SFXN5: variants seen among roughly 807,000 people sequenced by gnomAD.
SFXN5 encodes the protein sideroflexin-5.
In SFXN5, 43 loss-of-function variants were observed where a neutral mutation model predicts 50.2. The observed-to-expected ratio is 0.86, with a 90% CI of 0.67 to 1.11. The LOEUF (loss-of-function observed/expected upper bound fraction) is 1.11, where lower values mean the gene tolerates loss of function less well. Among genes scored for constraint, SFXN5 ranks in the 50% least tolerant of loss-of-function variants. The pLI, the probability that SFXN5 is intolerant of heterozygous loss-of-function variation, is 0.00. For synonymous variants in SFXN5, 203 were observed against 185.8 expected, an observed-to-expected ratio of 1.09 and a Z score of -0.75; for missense variants, 463 against 454.1, an observed-to-expected ratio of 1.02 and a Z score of -0.18.
intron 10 of SFXN5, among the ~76,000 whole-genome samples, chr2:72,976,287 C>G (rs1370134039): frequency 6.6e-6 from 1 of 150,432 alleles, no homozygotes; most frequent in Admixed American, 6.6e-5. Context: ...GTTTCATTTA[C>G]CCAAAAAGTA....
intron 9 of SFXN5, chr2:72,997,904 T>TA: frequency 6.6e-6 from 1 of 152,230 alleles, no homozygotes; most frequent in Non-Finnish European, 1.5e-5. Context: ...TTTGTTTTTT[T>TA]AAATGGGGTC....
At chr2:73,059,196 G>A in intron 1 of SFXN5, 1 of 986,268 alleles carries the variant, frequency 1.0e-6, no homozygotes, top group Non-Finnish European at 1.2e-6. Context: ...TGGAAAAGGA[G>A]GGCTTTATGC....
intron 2 of SFXN5, among the ~76,000 whole-genome samples, chr2:73,050,392 GCACACA>G (rs35090808): frequency 2.9e-4 from 43 of 146,570 alleles, no homozygotes; most frequent in African/African-American, 1.0e-3. Flanking sequence ...CACAGCGCAC[GCACACA>G]CACACACACA....
At chr2:73,019,380 C>T (rs1439629571) in intron 6 of SFXN5, 1 of 150,982 alleles carries the variant, frequency 6.6e-6, no homozygotes, top group Non-Finnish European at 1.5e-5. Flanking sequence ...TATACTGATT[C>T]CTTACCTAAG....
chr2:72,959,737 C>T (rs1288415588), intron 13 of SFXN5, among the ~76,000 whole-genome samples: 3 of 152,164 alleles, frequency 2.0e-5, no homozygotes, highest in East Asian at 1.9e-4. Flanking sequence ...TTCCCAAAAT[C>T]GTCCTGTCAG....
intron 3 of SFXN5, among the ~76,000 whole-genome samples, chr2:73,034,584 G>A (rs1169949079): frequency 1.3e-5 from 2 of 152,126 alleles, no homozygotes; most frequent in South Asian, 2.1e-4. Flanking sequence ...GTGCAGGGTA[G>A]GCACTTAGGA....
At chr2:72,983,243 T>C (rs1416678390) in intron 10 of SFXN5, among the ~76,000 whole-genome samples, 1 of 152,176 alleles carries the variant, frequency 6.6e-6, no homozygotes, top group Non-Finnish European at 1.5e-5. Context: ...GGGAACAGGT[T>C]TGCCACACCT....
chr2:73,022,560 T>G lies in SFXN5; in HGVS notation c.293A>C (p.Asp98Ala). 2 of 1,498,548 alleles carry G rather than the reference T, an allele frequency of 1.3e-6. No individual in the cohort carries two copies. The highest frequency in any genetic ancestry group is 1.8e-6 in the Non-Finnish European group (2 of 1,111,982). 92.8% of individuals were successfully genotyped at this position (1,498,548 alleles called of 1,614,324 possible). ...QKIKQAILHP[D>A]TNEKIFMPFR... ...TGGCATGAAGATCTTCTCATTGGTG[T>G]CCGGATGTAGAATAGCCTGGCAAAA... is the stretch of plus-strand genomic sequence containing the variant. The change falls in exon 5 of 14, where the codon GAC becomes GCC. Residue 98 changes from aspartate (D) to alanine (A), a missense_variant. By Grantham distance (126) the Asp-to-Ala change is moderately radical. Transcript: ENST00000272433.
chr2:73,020,452 C>CA, intron 5 of SFXN5, among the ~76,000 whole-genome samples, 188 bp from the exon 6 acceptor site: 1 of 152,276 alleles, frequency 6.6e-6, no homozygotes, highest in East Asian at 1.9e-4. Context: ...GCTGTGTCCC[C>CA]AGCCTCCTCT....
Position 72,953,148 on chromosome 2 carries a change from C to CA in SFXN5, c.945+7982dup, listed in dbSNP as rs2105340152. On this transcript the variant is annotated intron_variant, in intron 13 of 13. Coordinates refer to ENST00000272433, the MANE Select transcript of SFXN5 (RefSeq NM_144579.3). This position sits in a 1 kb window ranked among gnomAD's most constrained non-coding sequence, Gnocchi z 4.1. ...TTGGGGTGGGGGTGTGGGGAACAGG[C>CA]AAAATGACAGGTGGCGTTGGCGTTC... Among the ~76,000 whole-genome samples, 1 of 152,210 alleles carries CA rather than the reference C, an allele frequency of 6.6e-6. No individual in the cohort carries two copies. The highest frequency in any genetic ancestry group is 1.9e-4 in the East Asian group (1 of 5,138).
intron 1 of SFXN5, chr2:73,059,582 C>T (rs1682579096): frequency 3.0e-6 from 3 of 985,390 alleles, no homozygotes; most frequent in African/African-American, 1.7e-5. Context: ...AGTCCCCCCA[C>T]ACACCAGTTC....
At chr2:73,050,226 T>A (rs1294359912) in intron 2 of SFXN5, among the ~76,000 whole-genome samples, 1 of 152,140 alleles carries the variant, frequency 6.6e-6, no homozygotes, top group Non-Finnish European at 1.5e-5. Context: ...GTGGCTCTAT[T>A]GTTCTGGGGT....
At chr2:72,968,576 G>T in intron 11 of SFXN5, 43 bp from the exon 12 acceptor site, 1 of 1,592,640 alleles carries the variant, frequency 6.3e-7, no homozygotes, top group Non-Finnish European at 8.6e-7. Context: ...CCTGACAGCT[G>T]GTGACAGGAC....
In SFXN5 at chr2:72,973,192, A is replaced by G. The variant is rs1050835395; in HGVS notation, c.626-1507T>C. 2 of 154,810 alleles carry G rather than the reference A, an allele frequency of 1.3e-5. No homozygotes were observed. The highest frequency in any genetic ancestry group is 2.1e-4 in the South Asian group (1 of 4,836). 9.6% of individuals were successfully genotyped at this position (154,810 alleles called of 1,614,324 possible). A position where few individuals can be genotyped will look rare whatever the true frequency, so the allele number is the denominator to read the frequency against. On this transcript the variant is annotated intron_variant, in intron 10 of 13. Coordinates refer to ENST00000272433, the MANE Select transcript of SFXN5 (RefSeq NM_144579.3). This position sits in a 1 kb window ranked among gnomAD's most constrained non-coding sequence, Gnocchi z 5.5. ...AGCAGGAGGCCAAATACAGTTCTAA[A>G]ATGTATTTAGAGCACACACACCATC...
intron 6 of SFXN5, among the ~76,000 whole-genome samples, chr2:73,012,981 T>C (rs1574116879): frequency 1.3e-5 from 2 of 152,086 alleles, no homozygotes; most frequent in African/African-American, 4.8e-5. Flanking sequence ...AAAATTAGGA[T>C]GCTCCCCTTC....
intron 6 of SFXN5, 108 bp from the exon 7 acceptor site, chr2:73,001,686 GA>G (rs1673936340): frequency 9.2e-7 from 1 of 1,082,920 alleles, no homozygotes; most frequent in Non-Finnish European, 1.4e-6. Context: ...TGTACAAACT[GA>G]TGTGGTATGC....
chr2:73,024,170 C>T (rs1033291684), intron 3 of SFXN5, among the ~76,000 whole-genome samples: 2 of 151,814 alleles, frequency 1.3e-5, no homozygotes, highest in Non-Finnish European at 2.9e-5. Context: ...ATTACAGGCG[C>T]GCACCACCAT....
At chr2:72,967,414 G>A (rs555187146) in intron 12 of SFXN5, 1 of 152,314 alleles carries the variant, frequency 6.6e-6, no homozygotes, top group African/African-American at 2.4e-5. Flanking sequence ...CAAGGGAGAG[G>A]AAATAATGAG....
chr2:72,981,965 TTGTGTG>T lies in SFXN5; in HGVS notation c.625+6287_625+6292del, dbSNP rs10582006. Among the ~76,000 whole-genome samples, 164 of 145,674 alleles carry T rather than the reference TTGTGTG, an allele frequency of 1.1e-3. 2 individuals are homozygous for T. Among genetic ancestry groups the T allele is most frequent in the Middle Eastern group, 6.8e-3 (2 of 292 alleles). ...CTTTATTGCCCTTATCACTGGAACT[TTGTGTG>T]TGTGTGTGTGTGTGTGTGTGTGTGT... On this transcript the variant is annotated intron_variant, in intron 10 of 13. Coordinates refer to ENST00000272433, the MANE Select transcript of SFXN5 (RefSeq NM_144579.3).
Sources: allele counts gnomAD v4.1 joint callset (sites outside exome capture counted in the v4.1 genomes callset), GRCh38; gene constraint gnomAD v4.1.1; non-coding constraint Gnocchi (gnomAD v3.1); transcripts MANE v1.5; gene names NCBI Gene and HGNC (gene_info 2026-07-23, HGNC 2026-07-21).